The following CFAP251 variants were observed in gnomAD, a reference collection of about 807,000 sequenced individuals.
CFAP251 encodes cilia and flagella associated protein 251.
CFAP251 carries 93 observed loss-of-function variants against 126.7 expected under a neutral mutation model. The ratio of observed to expected loss-of-function variants is 0.73; its 90% CI spans 0.62 to 0.87. CFAP251 has a LOEUF of 0.87. CFAP251 is among the 40% of genes least tolerant of loss of function. CFAP251 has a pLI of 0.00. For missense variants in CFAP251, 1,287 were observed against 1,389.2 expected (o/e 0.93, Z 1.17); for synonymous variants, 503 against 506.9 (o/e 0.99, Z 0.10).
intron 8 of CFAP251, 25 bp from the exon 9 acceptor site, chr12:121,951,455 A>C (rs1314356715): frequency 6.7e-7 from 1 of 1,490,680 alleles, no homozygotes; most frequent in Non-Finnish European, 9.2e-7. Flanking sequence ...CTTTTTGAGT[A>C]GTGATTATTT....
chr12:121,969,842 T>G, intron 17 of CFAP251: 6 of 985,376 alleles, frequency 6.1e-6, no homozygotes, highest in Non-Finnish European at 7.2e-6. Flanking sequence ...GGTAGAAATT[T>G]AAGAAGAAGA....
At chr12:121,946,190 T>G (rs1176977971) in intron 7 of CFAP251, among the ~76,000 whole-genome samples, 1 of 152,228 alleles carries the variant, frequency 6.6e-6, no homozygotes, top group Non-Finnish European at 1.5e-5. Context: ...CAGAGAGCTT[T>G]GGTTTCTTCC....
At chr12:121,983,524 G>GA (rs936613733) in intron 19 of CFAP251, among the ~76,000 whole-genome samples, 12 of 152,178 alleles carry the variant, frequency 7.9e-5, no homozygotes, top group South Asian at 2.1e-4. Flanking sequence ...AAGGTATCCG[G>GA]AAAAAAATGT....
chr12:121,992,321 T>A, intron 19 of CFAP251: 3 of 985,424 alleles, frequency 3.0e-6, no homozygotes, highest in Non-Finnish European at 3.6e-6. Flanking sequence ...GAAATGTCAG[T>A]GATGCCGAAG....
intron 3 of CFAP251, among the ~76,000 whole-genome samples, chr12:121,926,524 C>T (rs942889636): frequency 1.3e-5 from 2 of 152,014 alleles, no homozygotes; most frequent in Non-Finnish European, 2.9e-5. Context: ...GATGGGGTCT[C>T]ACTATGTCTC....
intron 13 of CFAP251, chr12:121,959,759 A>G (rs1881861527): frequency 6.6e-6 from 1 of 152,218 alleles, no homozygotes; most frequent in Admixed American, 6.5e-5. Flanking sequence ...GTGTAAAACC[A>G]TAGTTTCACG....
rs926491825 is a variant in CFAP251 at position 121,989,834 on chromosome 12, C to G, written c.3007-9882C>G. 6.6e-6 allele frequency among the ~76,000 whole-genome samples: 1 copy of G among 152,142 alleles called. No homozygotes were observed. The highest frequency in any genetic ancestry group is 1.5e-5 in the Non-Finnish European group (1 of 68,026). ...AGGAATGGCCCCAGTTCAAATATAT[C>G]GTGTTCCTCTCCATTTAATAGGGAG... On this transcript the variant is annotated intron_variant, in intron 19 of 21. Coordinates refer to ENST00000288912, the MANE Select transcript of CFAP251 (RefSeq NM_144668.6). The surrounding 1 kb of genome is among the most constrained non-coding windows in gnomAD (Gnocchi z 4.2).
chr12:121,928,670 GTATATATATATATATATACGTATA>G (rs1565902673), intron 3 of CFAP251, among the ~76,000 whole-genome samples: 5 of 50,858 alleles, frequency 9.8e-5, no homozygotes, highest in African/African-American at 1.1e-4. Context: ...ATATATATAC[GTATATATATATATATATACGTATA>G]TATATATATA....
At chr12:121,958,890 A>C in intron 12 of CFAP251, 53 bp from the exon 13 acceptor site, 1 of 1,533,220 alleles carries the variant, frequency 6.5e-7, no homozygotes. Context: ...CAGACTCAAC[A>C]TCTCTTGAAT....
chr12:122,003,087 A>G lies in CFAP251; in HGVS notation c.3338-565A>G, dbSNP rs1443129304. 2.0e-5 allele frequency among the ~76,000 whole-genome samples: 3 copies of G among 152,200 alleles called. No homozygotes were observed. In the East Asian group the frequency reaches 5.8e-4, roughly 29 times the overall value. ...GCATCTTGAAACAGAAAAATCAATCATACCATGTGGTTAAGGCTTTCCAGT... is the reference window on the plus strand; with the variant it reads ...GCATCTTGAAACAGAAAAATCAATCGTACCATGTGGTTAAGGCTTTCCAGT... On this transcript the variant is annotated intron_variant, in intron 21 of 21. Transcript: ENST00000288912.
At chr12:121,992,981 GTCTCCC>G (rs71082924) in intron 19 of CFAP251, among the ~76,000 whole-genome samples, 8,921 of 65,352 alleles carry the variant, frequency 0.14, 326 homozygotes, top group Middle Eastern at 0.23. Context: ...CTCCCTCTCC[GTCTCCC>G]TCTCCCTCTC....
intron 17 of CFAP251, among the ~76,000 whole-genome samples, chr12:121,970,157 TCA>T (rs1882285258): frequency 6.6e-6 from 1 of 152,172 alleles, no homozygotes; most frequent in Non-Finnish European, 1.5e-5. Flanking sequence ...ACTGCTACCA[TCA>T]CAGTCTATGG....
chr12:121,927,965 T>C (rs1880485584), intron 3 of CFAP251, among the ~76,000 whole-genome samples: 1 of 152,248 alleles, frequency 6.6e-6, no homozygotes, highest in South Asian at 2.1e-4. Flanking sequence ...TCCATAATCA[T>C]CTGTCATGCA....
chr12:121,981,507 C>A (rs998483140), intron 19 of CFAP251, among the ~76,000 whole-genome samples: 2 of 152,142 alleles, frequency 1.3e-5, no homozygotes, highest in African/African-American at 4.8e-5. Flanking sequence ...CCCGTTTGGT[C>A]CAGACCCACT....
At chr12:121,925,333 T>C (rs771469949) in intron 3 of CFAP251, among the ~76,000 whole-genome samples, 2 of 152,068 alleles carry the variant, frequency 1.3e-5, no homozygotes, top group Admixed American at 6.6e-5. Context: ...TCTGCTACTT[T>C]CTGAAAATTG....
chr12:121,931,643 T>G, intron 3 of CFAP251, 103 bp from the exon 4 acceptor site: 1 of 1,199,214 alleles, frequency 8.3e-7, no homozygotes, highest in Non-Finnish European at 1.1e-6. Flanking sequence ...TCCTCTTCAC[T>G]GAACTGTTGA....
At chr12:121,944,323 T>G (rs1720037) in intron 7 of CFAP251, among the ~76,000 whole-genome samples, 54,124 of 152,042 alleles carry the variant, frequency 0.36, 10,983 homozygotes, top group Non-Finnish European at 0.47. Context: ...TTCCTCTTGC[T>G]CCTAAAAAAT....
rs201635573 is a variant in CFAP251, at chr12:121,931,932, G to A, written c.888+46G>A. 647 of 1,429,706 alleles carry A rather than the reference G, an allele frequency of 4.5e-4. 2 individuals are homozygous for A. Among genetic ancestry groups the A allele is most frequent in the South Asian group, 1.7e-3 (102 of 59,666 alleles). The allele number at this position is 1,429,706 out of a possible 1,614,324, so 88.6% of individuals were successfully genotyped here. A position where few individuals can be genotyped will look rare whatever the true frequency, so the allele number is the denominator to read the frequency against. ...TACAGGTGGGGGAGTTGTCTTTAACGTGCGTGTGGTATTTTGTTTTGTATC... is the reference window on the plus strand; with the variant it reads ...TACAGGTGGGGGAGTTGTCTTTAACATGCGTGTGGTATTTTGTTTTGTATC... On this transcript the variant is annotated intron_variant, in intron 4 of 21. Coordinates refer to ENST00000288912, the MANE Select transcript of CFAP251 (RefSeq NM_144668.6).
At chr12:121,935,233 A>T (rs1277033172) in intron 5 of CFAP251, among the ~76,000 whole-genome samples, 2 of 152,210 alleles carry the variant, frequency 1.3e-5, no homozygotes, top group Non-Finnish European at 2.9e-5. Flanking sequence ...CTGGGATTAC[A>T]GGCATGAGCC....
Sources: allele counts gnomAD v4.1 joint callset (sites outside exome capture counted in the v4.1 genomes callset), GRCh38; gene constraint gnomAD v4.1.1; non-coding constraint Gnocchi (gnomAD v3.1); transcripts MANE v1.5; gene names NCBI Gene and HGNC (gene_info 2026-07-23, HGNC 2026-07-21).